Variants in GCNT1 observed in about 807,000 individuals in gnomAD.
GCNT1 encodes the protein beta-1,3-galactosyl-O-glycosyl-glycoprotein beta-1,6-N-acetylglucosaminyltransferase.
GCNT1 carries 16 observed loss-of-function variants against 26.2 expected under a neutral mutation model. The ratio of observed to expected loss-of-function variants is 0.61; its 90% CI spans 0.41 to 0.93. The LOEUF (loss-of-function observed/expected upper bound fraction) is 0.93, where lower values mean the gene tolerates loss of function less well. Ranked by LOEUF, GCNT1 falls within the 40% of genes least tolerant of loss-of-function variation. GCNT1 has a pLI of 0.00. For synonymous variants in GCNT1, 183 were observed against 190.8 expected (o/e 0.96, Z 0.34); for missense variants, 477 against 526.7 (o/e 0.91, Z 0.92).
intron 1 of GCNT1, among the ~76,000 whole-genome samples, chr9:76,451,862 A>G (rs185181812): frequency 6.6e-6 from 1 of 152,242 alleles, no homozygotes; most frequent in Non-Finnish European, 1.5e-5. Context: ...GTAGCAGACT[A>G]GTCAAGCTTA....
chr9:76,447,938 T>C (rs1219738781), intron 1 of GCNT1, among the ~76,000 whole-genome samples: 2 of 152,146 alleles, frequency 1.3e-5, no homozygotes, highest in Non-Finnish European at 2.9e-5. Context: ...ACTCTTACCC[T>C]CAAAAGAGTG....
intron 2 of GCNT1, among the ~76,000 whole-genome samples, chr9:76,471,865 A>C (rs1309043399): frequency 1.3e-5 from 2 of 151,994 alleles, no homozygotes; most frequent in Non-Finnish European, 2.9e-5. Flanking sequence ...TTCTTTTGAG[A>C]CCAGTCTCGC....
the GCNT1 span, chr9:76,399,730 G>C: frequency 1.7e-6 from 1 of 596,854 alleles, no homozygotes. Flanking sequence ...TGGAATGGAT[G>C]AATGGATGTT....
At chr9:76,457,645 A>G, upstream of GCNT1, among the ~76,000 whole-genome samples, 1 of 152,254 alleles carries the variant, frequency 6.6e-6, no homozygotes, top group East Asian at 1.9e-4. Flanking sequence ...ACTTAATTTA[A>G]TATGTTCGAA....
At chr9:76,477,434 G>A (rs1824279487) in intron 2 of GCNT1, among the ~76,000 whole-genome samples, 1 of 151,864 alleles carries the variant, frequency 6.6e-6, no homozygotes, top group Non-Finnish European at 1.5e-5. Flanking sequence ...GCTGAGGCAG[G>A]AGAATTGCTT....
intron 2 of GCNT1, among the ~76,000 whole-genome samples, chr9:76,492,281 C>G (rs886829386): frequency 5.9e-5 from 9 of 152,156 alleles, no homozygotes; most frequent in African/African-American, 1.9e-4. Flanking sequence ...GATAATAGCT[C>G]CAGCTATGGA....
At chr9:76,443,827 G>C (rs1381848877) in intron 1 of GCNT1, among the ~76,000 whole-genome samples, 2 of 151,722 alleles carry the variant, frequency 1.3e-5, no homozygotes, top group Non-Finnish European at 2.9e-5. Context: ...GTTTCAGTGA[G>C]CCACTGCACT....
rs1825177041 is a variant in GCNT1 at position 76,504,344 on chromosome 9, AATC to A, written c.*680_*682del. 1 of 171,976 alleles carries A rather than the reference AATC, an allele frequency of 5.8e-6. No homozygotes were observed. 10.7% of individuals were successfully genotyped at this position (171,976 alleles called of 1,614,324 possible). On this transcript the variant is annotated 3_prime_UTR_variant, in exon 4 of 4. Coordinates refer to ENST00000376730, the MANE Select transcript of GCNT1 (RefSeq NM_001490.5). Reference sequence around the variant, plus strand: ...ATTTCTAGTTTAGTTAATTTCTACAAATCATCTTATGTTATTAGCAAGGTTAAG... The same window carrying A: ...ATTTCTAGTTTAGTTAATTTCTACAAATCTTATGTTATTAGCAAGGTTAAG...
intron 2 of GCNT1, among the ~76,000 whole-genome samples, chr9:76,499,376 C>T (rs1488584244): frequency 6.6e-6 from 1 of 152,166 alleles, no homozygotes; most frequent in South Asian, 2.1e-4. Flanking sequence ...GATCCGCCCA[C>T]CTCAGCTTCC....
intron 2 of GCNT1, among the ~76,000 whole-genome samples, chr9:76,470,603 C>CAAAAA (rs10564028): frequency 2.1e-5 from 2 of 94,226 alleles, no homozygotes; most frequent in East Asian, 3.2e-4. Context: ...GACCCTGTCC[C>CAAAAA]AAAAAAAAAA....
At chr9:76,492,726 C>T (rs1023572841) in intron 2 of GCNT1, among the ~76,000 whole-genome samples, 14 of 151,642 alleles carry the variant, frequency 9.2e-5, no homozygotes, top group Non-Finnish European at 1.9e-4. Context: ...TAAAGTATTT[C>T]TGCAAACCAC....
chr9:76,423,633 A>G (rs1354757408), intron 1 of GCNT1, among the ~76,000 whole-genome samples: 1 of 152,256 alleles, frequency 6.6e-6, no homozygotes, highest in Non-Finnish European at 1.5e-5. Flanking sequence ...TTGTACTGCA[A>G]AATGGCATGT....
chr9:76,453,453 T>C (rs537926826), intron 1 of GCNT1, among the ~76,000 whole-genome samples: 4 of 152,226 alleles, frequency 2.6e-5, no homozygotes, highest in Non-Finnish European at 2.9e-5. Context: ...AGGTTCTAGG[T>C]TACCTTTAGT....
the GCNT1 span, chr9:76,394,226 C>T: frequency 1.4e-5 from 22 of 1,518,500 alleles, no homozygotes; most frequent in Admixed American, 3.8e-4. Context: ...CCTGCGGAGC[C>T]GCCGTCGACG....
upstream of GCNT1, among the ~76,000 whole-genome samples, chr9:76,438,331 T>A (rs550523071): frequency 3.3e-5 from 5 of 152,228 alleles, no homozygotes; most frequent in Non-Finnish European, 7.3e-5. Context: ...GATTGGTAAC[T>A]GATTGAAAGA....
chr9:76,477,526 C>CA (rs61339359), intron 2 of GCNT1, among the ~76,000 whole-genome samples: 4,123 of 142,742 alleles, frequency 0.029, 167 homozygotes, highest in African/African-American at 0.1. Context: ...ACTCTGTCTC[C>CA]AAAAAAAAAA....
intron 1 of GCNT1, among the ~76,000 whole-genome samples, chr9:76,420,964 A>G (rs908194763): frequency 2.6e-5 from 4 of 151,480 alleles, no homozygotes; most frequent in African/African-American, 9.7e-5. Flanking sequence ...AAAAAAAAGA[A>G]TCCACTATGA....
intron 2 of GCNT1, among the ~76,000 whole-genome samples, chr9:76,471,208 T>C (rs1824123515): frequency 1.3e-5 from 2 of 152,170 alleles, no homozygotes; most frequent in Admixed American, 6.5e-5. Flanking sequence ...GTATTTTTAG[T>C]AGAGACGGGG....
rs1246970256 is a variant in GCNT1 at position 76,506,754 on chromosome 9, T to C, written c.*3086T>C. Reference sequence around the variant, plus strand: ...AATGGAGTGTTGTTGTTTCTAAACATATATTTATGTCATTTATTAAGTACA... The same window carrying C: ...AATGGAGTGTTGTTGTTTCTAAACACATATTTATGTCATTTATTAAGTACA... On this transcript the variant is annotated 3_prime_UTR_variant, in exon 4 of 4. Coordinates refer to ENST00000376730, the MANE Select transcript of GCNT1 (RefSeq NM_001490.5). The C allele has an allele frequency of 6.0e-6, 1 of 167,072 alleles. No homozygotes were observed. The highest frequency in any genetic ancestry group is 1.5e-5 in the Non-Finnish European group (1 of 68,110). The allele number at this position is 167,072 out of a possible 1,614,324, so 10.3% of individuals were successfully genotyped here.
Sources: allele counts gnomAD v4.1 joint callset (sites outside exome capture counted in the v4.1 genomes callset), GRCh38; gene constraint gnomAD v4.1.1; transcripts MANE v1.5; gene names NCBI Gene and HGNC (gene_info 2026-07-23, HGNC 2026-07-21).